Variants in RANBP2 observed in about 807,000 individuals in gnomAD.
RANBP2 encodes E3 SUMO-protein ligase RanBP2.
A neutral mutation model predicts 303.6 loss-of-function variants in RANBP2; 57 were observed. The ratio of observed to expected loss-of-function variants is 0.19; its 90% CI spans 0.15 to 0.23. The LOEUF (loss-of-function observed/expected upper bound fraction) is 0.23. RANBP2 is among the 10% of genes least tolerant of loss of function. RANBP2 has a pLI of 1.00. For synonymous variants in RANBP2, 1,167 were observed against 1,301.5 expected, an observed-to-expected ratio of 0.90 and a Z score of 2.23; for missense variants, 3,138 against 3,780.8, an observed-to-expected ratio of 0.83 and a Z score of 4.46.
the RANBP2 span, among the ~76,000 whole-genome samples, chr2:109,430,478 TGTCCTCTCCCC>T: frequency 1.3e-5 from 2 of 151,932 alleles, no homozygotes; most frequent in Non-Finnish European, 2.9e-5. Context: ...TTTCTTCCTC[TGTCCTCTCCCC>T]GTCCTCTCCC....
the RANBP2 span, among the ~76,000 whole-genome samples, chr2:109,469,469 A>G: frequency 6.6e-6 from 1 of 152,232 alleles, no homozygotes; most frequent in Non-Finnish European, 1.5e-5. Context: ...CCTGTTGTGC[A>G]GGGGTCACAC....
chr2:108,811,247 C>CTTTTTTTTTTTTTTTTTTTTTTT, the RANBP2 span, among the ~76,000 whole-genome samples: 10 of 113,904 alleles, frequency 8.8e-5, no homozygotes, highest in African/African-American at 3.8e-4. Context: ...TTCTCTCTCT[C>CTTTTTTTTTTTTTTTTTTTTTTT]TTTTTTTTTT....
the RANBP2 span, among the ~76,000 whole-genome samples, chr2:108,815,384 TC>T: frequency 2.0e-5 from 3 of 151,936 alleles, no homozygotes; most frequent in Non-Finnish European, 2.9e-5. Flanking sequence ...TATTCCAACT[TC>T]CTGATTATGA....
rs374936566 is a variant in RANBP2, at chr2:108,749,035, G to A, written c.1179G>A (p.Gln393=). 2 of 1,611,766 alleles carry A rather than the reference G, an allele frequency of 1.2e-6. No homozygotes were observed. Among genetic ancestry groups the A allele is most frequent in the African/African-American group, 2.7e-5 (2 of 74,802 alleles). The stretch of plus-strand genomic sequence containing the variant: ...TATATGATGCTCTGTTTTCTAGTCA[G>A]TCACCTAAGGATACATCTTTTCTTG... ...SALYDALFSS[Q]SPKDTSFLGS... is the part of the protein sequence containing the mutation. Residue 393 remains glutamine (Q), a synonymous_variant, in exon 9 of 29, where the codon CAG becomes CAA. Coordinates refer to ENST00000283195, the MANE Select transcript of RANBP2 (RefSeq NM_006267.5).
the RANBP2 span, among the ~76,000 whole-genome samples, chr2:109,062,598 T>C: frequency 1.3e-3 from 204 of 152,180 alleles, no homozygotes; most frequent in African/African-American, 4.7e-3. Context: ...AAAGCCCCTA[T>C]TCAGGTGGAT....
the RANBP2 span, among the ~76,000 whole-genome samples, chr2:109,154,982 T>G: frequency 1.3e-5 from 2 of 152,220 alleles, no homozygotes; most frequent in African/African-American, 2.4e-5. Context: ...GTTGGATTGA[T>G]AGCCAGCCTT....
the RANBP2 span, among the ~76,000 whole-genome samples, chr2:108,967,190 C>T: frequency 6.6e-6 from 1 of 152,212 alleles, no homozygotes; most frequent in Non-Finnish European, 1.5e-5. Context: ...CTGCCTTGGC[C>T]TCCCAAAGTG....
chr2:109,175,419 T>G, the RANBP2 span, among the ~76,000 whole-genome samples: 59 of 152,350 alleles, frequency 3.9e-4, no homozygotes, highest in South Asian at 1.5e-3. Flanking sequence ...AAATGCAAAC[T>G]TTTTGGCAGT....
the RANBP2 span, among the ~76,000 whole-genome samples, chr2:109,426,454 G>A: frequency 6.6e-6 from 1 of 152,162 alleles, no homozygotes; most frequent in African/African-American, 2.4e-5. Flanking sequence ...CCGCAGATGT[G>A]GTAGAAACAG....
chr2:109,553,095 C>A, the RANBP2 span: 6 of 1,612,374 alleles, frequency 3.7e-6, no homozygotes, highest in Non-Finnish European at 5.1e-6. Context: ...GCCTCTCTCT[C>A]AGCTTCTTTC....
At chr2:109,553,496 A>C in the RANBP2 span, among the ~76,000 whole-genome samples, 2,695 of 151,100 alleles carry the variant, frequency 0.018, 73 homozygotes, top group African/African-American at 0.061. Context: ...GTGAGCTGAG[A>C]TCATGCCACT....
At chr2:109,404,244 C>G in the RANBP2 span, among the ~76,000 whole-genome samples, 2 of 152,190 alleles carry the variant, frequency 1.3e-5, no homozygotes, top group African/African-American at 2.4e-5. Context: ...CTGTCAAGCT[C>G]TTTGCAGGAA....
the RANBP2 span, among the ~76,000 whole-genome samples, chr2:109,035,955 T>C: frequency 6.6e-6 from 1 of 152,222 alleles, no homozygotes; most frequent in East Asian, 1.9e-4. Flanking sequence ...ATTTCTCATC[T>C]TGAAACCATG....
At chr2:109,453,080 C>A in the RANBP2 span, among the ~76,000 whole-genome samples, 1 of 152,172 alleles carries the variant, frequency 6.6e-6, no homozygotes, top group Non-Finnish European at 1.5e-5. Flanking sequence ...CTGTTCCCTG[C>A]GTGGCCCGAT....
At chr2:109,337,441 C>G in the RANBP2 span, among the ~76,000 whole-genome samples, 3 of 152,206 alleles carry the variant, frequency 2.0e-5, no homozygotes, top group Non-Finnish European at 4.4e-5. Flanking sequence ...TGGCCACCCC[C>G]TCGCATATGG....
At chr2:109,678,084 T>C in the RANBP2 span, among the ~76,000 whole-genome samples, 1 of 152,204 alleles carries the variant, frequency 6.6e-6, no homozygotes, top group Admixed American at 6.5e-5. Context: ...CGGAAGGATG[T>C]GCAGTGTTGC....
At chr2:109,590,664 G>T in the RANBP2 span, among the ~76,000 whole-genome samples, 4 of 152,136 alleles carry the variant, frequency 2.6e-5, no homozygotes, top group East Asian at 5.8e-4. Context: ...CTTGACCTCA[G>T]GTGATCCACT....
At chr2:109,699,744 TA>T in the RANBP2 span, among the ~76,000 whole-genome samples, 1 of 152,134 alleles carries the variant, frequency 6.6e-6, no homozygotes, top group Non-Finnish European at 1.5e-5. Context: ...CTCAAACCCA[TA>T]TTGTTCAGGG....
intron 25 of RANBP2, among the ~76,000 whole-genome samples, chr2:108,780,678 T>C (rs193058735): frequency 1.3e-5 from 2 of 151,454 alleles, no homozygotes; most frequent in East Asian, 3.9e-4. Context: ...CACAGGCGCA[T>C]ACCACCACTC....
Sources: allele counts gnomAD v4.1 joint callset (sites outside exome capture counted in the v4.1 genomes callset), GRCh38; gene constraint gnomAD v4.1.1; transcripts MANE v1.5; gene names NCBI Gene and HGNC (gene_info 2026-07-23, HGNC 2026-07-21).